The following FBXO15 variants were observed in gnomAD, a reference collection of about 807,000 sequenced individuals.
FBXO15 encodes the protein F-box only protein 15.
FBXO15 carries 30 observed loss-of-function variants against 49.5 expected under a neutral mutation model. That is an observed-to-expected ratio of 0.61 (90% CI 0.45 to 0.82). The LOEUF is 0.82. Ranked by LOEUF, FBXO15 falls within the 40% of genes least tolerant of loss-of-function variation. The probability of loss-of-function intolerance (pLI) is 0.00; values close to 1 mark genes in which losing one functional copy is unlikely to be tolerated. For synonymous variants in FBXO15, 250 were observed against 232.7 expected (o/e 1.07, Z -0.68); for missense variants, 591 against 631.5 (o/e 0.94, Z 0.69).
intron 1 of FBXO15, among the ~76,000 whole-genome samples, chr18:74,145,996 T>C (rs1979389827): frequency 6.6e-6 from 1 of 152,246 alleles, no homozygotes; most frequent in South Asian, 2.1e-4. Context: ...AGTGTAGACA[T>C]ACACTGATAC....
chr18:74,111,407 G>T (rs1172356613), intron 8 of FBXO15, among the ~76,000 whole-genome samples: 1 of 151,966 alleles, frequency 6.6e-6, no homozygotes, highest in African/African-American at 2.4e-5. Context: ...AGTACTTGGA[G>T]ACTGAATAAC....
intron 8 of FBXO15, among the ~76,000 whole-genome samples, chr18:74,089,848 T>C (rs898810746): frequency 6.6e-6 from 1 of 152,180 alleles, no homozygotes; most frequent in Non-Finnish European, 1.5e-5. Flanking sequence ...TTGGCATCTA[T>C]GTTCATCAAG....
intron 8 of FBXO15, among the ~76,000 whole-genome samples, chr18:74,091,022 A>C (rs1242047781): frequency 2.6e-5 from 4 of 152,150 alleles, no homozygotes; most frequent in African/African-American, 7.2e-5. Flanking sequence ...TTGTTTGGTT[A>C]TCTAAGTCTC....
intron 8 of FBXO15, among the ~76,000 whole-genome samples, chr18:74,084,559 G>C (rs1470846817): frequency 6.6e-6 from 1 of 152,232 alleles, no homozygotes; most frequent in Non-Finnish European, 1.5e-5. Flanking sequence ...CTCTCCTAGA[G>C]AGACTATGAG....
intron 8 of FBXO15, chr18:74,122,972 G>A (rs755870870): frequency 4.7e-4 from 76 of 163,064 alleles, no homozygotes; most frequent in Non-Finnish European, 3.0e-4. Context: ...AGTACGTAGA[G>A]GAGAAAGGCT....
Position 74,140,508 on chromosome 18 carries a change from G to GGC in FBXO15, c.117-197_117-196insGC, listed in dbSNP as rs1320033930. Reference sequence around the variant, plus strand: ...GAAAGGCAGGGAGAAGGGAGGAAGAGACAGTGAAACCTTGATGGTAAGCAA... The same window carrying GGC: ...GAAAGGCAGGGAGAAGGGAGGAAGAGGCACAGTGAAACCTTGATGGTAAGCAA... On this transcript the variant is annotated intron_variant, in intron 1 of 9. Transcript: ENST00000419743. Among the ~76,000 whole-genome samples, 1,100 of 152,086 alleles carry GGC rather than the reference G, an allele frequency of 7.2e-3. 197 individuals are homozygous for GGC. Among genetic ancestry groups the GGC allele is most frequent in the Admixed American group, 0.021 (326 of 15,266 alleles).
chr18:74,140,082 T>C (rs1380371616), intron 2 of FBXO15, 120 bp downstream of exon 2: 1 of 720,116 alleles, frequency 1.4e-6, no homozygotes, highest in African/African-American at 1.8e-5. Flanking sequence ...ACTGTCTTCC[T>C]ACACAATCCT....
chr18:74,116,092 A>G (rs1914219680), intron 8 of FBXO15, among the ~76,000 whole-genome samples: 1 of 152,164 alleles, frequency 6.6e-6, no homozygotes, highest in African/African-American at 2.4e-5. Context: ...TTAATTACCA[A>G]AAAAAAGGAA....
chr18:74,117,296 G>A (rs1180864934), intron 8 of FBXO15, among the ~76,000 whole-genome samples: 2 of 152,066 alleles, frequency 1.3e-5, no homozygotes, highest in Non-Finnish European at 2.9e-5. Context: ...TCCTAACTCA[G>A]TTTCCCATTC....
intron 8 of FBXO15, among the ~76,000 whole-genome samples, chr18:74,115,659 C>T (rs142253884): frequency 1.1e-3 from 174 of 152,274 alleles, no homozygotes; most frequent in African/African-American, 3.8e-3. Flanking sequence ...CTACACAACG[C>T]ATTCCATACT....
At position 74,147,718 on chromosome 18, in the gene FBXO15, C is replaced by A. The variant is rs753760038; in HGVS notation, c.68G>T (p.Ser23Ile). The change falls in exon 1 of 10, where the codon AGC (serine) becomes ATC (isoleucine). Residue 23 changes from serine (S) to isoleucine (I), a missense_variant. By Grantham distance (142) the Ser-to-Ile change is moderately radical. Transcript: ENST00000419743. ...WLGLQTLRGP[S>I]RGGGAARGRA... ...CCCCCGGGCCGCGCCACCGCCCCTGCTGGGCCCGCGCAGCGTCTGGAGGCC... is the reference window on the plus strand; with the variant it reads ...CCCCCGGGCCGCGCCACCGCCCCTGATGGGCCCGCGCAGCGTCTGGAGGCC... 35 of 1,532,966 alleles carry A rather than the reference C, an allele frequency of 2.3e-5. No homozygotes were observed. In the South Asian group the frequency reaches 3.0e-4, roughly 13 times the overall value. The allele number at this position is 1,532,966 out of a possible 1,614,324, so 95.0% of individuals were successfully genotyped here.
chr18:74,114,396 G>A (rs1356950096), intron 8 of FBXO15, among the ~76,000 whole-genome samples: 1 of 152,132 alleles, frequency 6.6e-6, no homozygotes, highest in Non-Finnish European at 1.5e-5. Flanking sequence ...ACTTTGTTCT[G>A]TATCCTTTCA....
intron 2 of FBXO15, among the ~76,000 whole-genome samples, chr18:74,136,464 A>G (rs932517316): frequency 6.6e-6 from 1 of 152,238 alleles, no homozygotes; most frequent in Non-Finnish European, 1.5e-5. Context: ...GGTATTAATA[A>G]GAAAAACACA....
At chr18:74,091,854 T>C (rs1913042293) in intron 8 of FBXO15, among the ~76,000 whole-genome samples, 2 of 152,178 alleles carry the variant, frequency 1.3e-5, no homozygotes, top group South Asian at 2.1e-4. Flanking sequence ...GATGACTACA[T>C]GTCTTGGGGA....
At chr18:74,133,692 C>G (rs1978537695) in intron 3 of FBXO15, among the ~76,000 whole-genome samples, 1 of 152,216 alleles carries the variant, frequency 6.6e-6, no homozygotes, top group Non-Finnish European at 1.5e-5. Context: ...ACAACACCAG[C>G]ATCTGCCTCT....
intron 8 of FBXO15, among the ~76,000 whole-genome samples, chr18:74,093,726 C>T (rs2145131084): frequency 6.6e-6 from 1 of 152,340 alleles, no homozygotes; most frequent in South Asian, 2.1e-4. Flanking sequence ...AAGTCTTGAA[C>T]CTCTCAAAGT....
chr18:74,130,825 AT>A, intron 3 of FBXO15, 167 bp from the exon 4 acceptor site: 1 of 732,864 alleles, frequency 1.4e-6, no homozygotes, highest in Non-Finnish European at 2.1e-6. Flanking sequence ...GCAGTTTGAG[AT>A]TTAGTGTTTT....
intron 8 of FBXO15, among the ~76,000 whole-genome samples, chr18:74,095,511 C>G (rs1913236983): frequency 1.3e-5 from 2 of 152,098 alleles, no homozygotes; most frequent in Non-Finnish European, 2.9e-5. Context: ...GAACAGCTGG[C>G]CAGTGGAGTA....
At chr18:74,110,774 G>C (rs934141162) in intron 8 of FBXO15, among the ~76,000 whole-genome samples, 2 of 152,116 alleles carry the variant, frequency 1.3e-5, no homozygotes, top group East Asian at 1.9e-4. Context: ...CTGTCAGACA[G>C]AGCATACTTC....
Sources: allele counts gnomAD v4.1 joint callset (sites outside exome capture counted in the v4.1 genomes callset), GRCh38; gene constraint gnomAD v4.1.1; transcripts MANE v1.5; gene names NCBI Gene and HGNC (gene_info 2026-07-23, HGNC 2026-07-21).